Variants in SLC41A3 observed in about 807,000 individuals in gnomAD.
SLC41A3 encodes the protein solute carrier family 41 member 3.
SLC41A3 carries 44 observed loss-of-function variants against 45.4 expected under a neutral mutation model. That is an observed-to-expected ratio of 0.97 (90% CI 0.76 to 1.25). The LOEUF is 1.25. Among genes scored for constraint, SLC41A3 ranks in the 50% most tolerant of loss-of-function variants. The pLI is 0.00. For missense variants in SLC41A3, 550 were observed against 600.6 expected (o/e 0.92, Z 0.88); for synonymous variants, 256 against 252.4 (o/e 1.01, Z -0.13).
chr3:126,091,643 A>C (rs1191922270), intron 1 of SLC41A3, among the ~76,000 whole-genome samples: 3 of 152,158 alleles, frequency 2.0e-5, no homozygotes, highest in Non-Finnish European at 4.4e-5. Flanking sequence ...TTCTTATCAG[A>C]CTTAAAAAGT....
chr3:126,029,442 G>A (rs1941634014), intron 4 of SLC41A3, among the ~76,000 whole-genome samples: 2 of 151,610 alleles, frequency 1.3e-5, no homozygotes, highest in Non-Finnish European at 2.9e-5. Context: ...CACCATAATT[G>A]GAAGTTTCCT....
intron 1 of SLC41A3, among the ~76,000 whole-genome samples, chr3:126,098,639 T>C (rs1294578516): frequency 6.6e-6 from 1 of 152,252 alleles, no homozygotes; most frequent in Non-Finnish European, 1.5e-5. Context: ...GACTGTGAGC[T>C]TGACATGGGC....
chr3:126,023,007 C>A, intron 5 of SLC41A3, 75 bp from the exon 6 acceptor site: 1 of 1,580,176 alleles, frequency 6.3e-7, no homozygotes, highest in Non-Finnish European at 8.6e-7. Flanking sequence ...CACAGCAGCA[C>A]AGGGATGGGC....
At chr3:126,014,938 G>C (rs1940121692) in intron 8 of SLC41A3, among the ~76,000 whole-genome samples, 3 of 152,200 alleles carry the variant, frequency 2.0e-5, no homozygotes, top group Non-Finnish European at 4.4e-5. Context: ...TCAGACAACA[G>C]GGAAGGGGGA....
intron 6 of SLC41A3, among the ~76,000 whole-genome samples, chr3:126,021,211 C>T (rs1940853121): frequency 6.9e-6 from 1 of 145,708 alleles, no homozygotes; most frequent in South Asian, 2.2e-4. Flanking sequence ...AGTTTTTATA[C>T]CCCCTATCTT....
At chr3:126,009,489 C>T (rs183796871) in intron 9 of SLC41A3, among the ~76,000 whole-genome samples, 1 of 152,284 alleles carries the variant, frequency 6.6e-6, no homozygotes, top group Admixed American at 6.5e-5. Flanking sequence ...TGAGACTTTA[C>T]AATAAGTGTG....
chr3:126,031,829 C>A (rs1941817101), intron 4 of SLC41A3, among the ~76,000 whole-genome samples: 1 of 152,202 alleles, frequency 6.6e-6, no homozygotes, highest in African/African-American at 2.4e-5. Context: ...CTTGCTAGAC[C>A]TTGTGTTAGA....
chr3:126,072,767 G>C (rs1944687735), intron 1 of SLC41A3, among the ~76,000 whole-genome samples: 1 of 152,176 alleles, frequency 6.6e-6, no homozygotes, highest in Admixed American at 6.5e-5. Flanking sequence ...TCCCATTATT[G>C]GGTGTATACC....
At chr3:126,095,135 G>A in intron 1 of SLC41A3, 1 of 596,884 alleles carries the variant, frequency 1.7e-6, no homozygotes, top group Non-Finnish European at 3.0e-6. Context: ...ACAAAAAATT[G>A]GGAAATAGGT....
chr3:126,007,367 G>A lies in SLC41A3; in HGVS notation c.1255-142C>T. The A allele has an allele frequency of 1.4e-5, 12 of 887,032 alleles. No individual in the cohort carries two copies. In the South Asian group the frequency reaches 1.5e-4, roughly 11 times the overall value. The allele number at this position is 887,032 out of a possible 1,614,324, so 54.9% of individuals were successfully genotyped here. A position where few individuals can be genotyped will look rare whatever the true frequency, so the allele number is the denominator to read the frequency against. On this transcript the variant is annotated intron_variant, in intron 10 of 10. Coordinates refer to ENST00000360370, the MANE Select transcript of SLC41A3 (RefSeq NM_017836.4). ...GCCTCCTTCATCCAGCTTCTCTTGGGGTCTGAAGCCCAGCTCCGAGCTCAA... is the reference window on the plus strand; with the variant it reads ...GCCTCCTTCATCCAGCTTCTCTTGGAGTCTGAAGCCCAGCTCCGAGCTCAA...
chr3:126,068,847 T>C (rs1337230391), intron 1 of SLC41A3, among the ~76,000 whole-genome samples: 2 of 152,160 alleles, frequency 1.3e-5, no homozygotes, highest in East Asian at 1.9e-4. Flanking sequence ...TGGAGATCCC[T>C]GGAAGACCCC....
At chr3:126,068,502 T>C (rs1944465215) in intron 1 of SLC41A3, among the ~76,000 whole-genome samples, 1 of 152,146 alleles carries the variant, frequency 6.6e-6, no homozygotes, top group Non-Finnish European at 1.5e-5. Flanking sequence ...AAAGGGCCTC[T>C]GAAAATTCTC....
At chr3:126,063,279 C>T (rs575306630) in intron 2 of SLC41A3, among the ~76,000 whole-genome samples, 11 of 152,186 alleles carry the variant, frequency 7.2e-5, no homozygotes, top group South Asian at 4.1e-4. Context: ...CTTTGCCAGA[C>T]GCCATGGTGC....
chr3:126,044,490 G>T (rs1045432839), intron 3 of SLC41A3, among the ~76,000 whole-genome samples: 1 of 152,046 alleles, frequency 6.6e-6, no homozygotes, highest in Non-Finnish European at 1.5e-5. Context: ...ACACTCCACC[G>T]AACAATGGAA....
intron 3 of SLC41A3, among the ~76,000 whole-genome samples, chr3:126,049,653 T>C (rs1266248240): frequency 1.3e-5 from 2 of 152,218 alleles, no homozygotes; most frequent in Non-Finnish European, 2.9e-5. Context: ...TGTATCATGT[T>C]ACCAGCTGCT....
At chr3:126,010,075 C>T (rs554458883) in intron 9 of SLC41A3, among the ~76,000 whole-genome samples, 3 of 152,304 alleles carry the variant, frequency 2.0e-5, no homozygotes, top group South Asian at 4.1e-4. Flanking sequence ...ACAACATGGT[C>T]GTGAGTCCCC....
Position 126,068,145 on chromosome 3 carries a change from G to T in SLC41A3, c.75C>A (p.Pro25=), listed in dbSNP as rs1294427086. ...GKPGELGLPH[P]LSTGGLPVAS... ...CTACAGGGAGTCCTCCTGTGCTGAGGGGGTGAGGAAGCCCCAGCTCCCCTG... is the reference window on the plus strand; with the variant it reads ...CTACAGGGAGTCCTCCTGTGCTGAGTGGGTGAGGAAGCCCCAGCTCCCCTG... The change falls in exon 2 of 11, where the codon CCC becomes CCA. Residue 25 remains proline (P), a synonymous_variant. Coordinates refer to ENST00000360370, the MANE Select transcript of SLC41A3 (RefSeq NM_017836.4). 6.2e-6 allele frequency: 10 copies of T among 1,604,638 alleles called. No homozygotes were observed. Among genetic ancestry groups the T allele is most frequent in the Non-Finnish European group, 7.7e-6 (9 of 1,175,878 alleles).
chr3:126,077,107 G>A (rs1576366431), intron 1 of SLC41A3, among the ~76,000 whole-genome samples: 1 of 152,192 alleles, frequency 6.6e-6, no homozygotes, highest in African/African-American at 2.4e-5. Context: ...GGCTGGGCAC[G>A]ATGCTCATGC....
chr3:126,059,192 G>A (rs1339359139), intron 2 of SLC41A3, among the ~76,000 whole-genome samples: 2 of 138,190 alleles, frequency 1.4e-5, no homozygotes, highest in African/African-American at 2.8e-5. Flanking sequence ...GGTACACTGC[G>A]AGCAGAACAA....
Sources: gnomAD v4.1 joint callset for allele counts (sites outside exome capture counted in the v4.1 genomes callset) on GRCh38, gnomAD v4.1.1 for gene constraint, MANE v1.5 for transcripts, NCBI Gene and HGNC (gene_info 2026-07-23, HGNC 2026-07-21) for gene names.